The following ZDHHC11 variants were observed in gnomAD, a reference collection of about 807,000 sequenced individuals.
ZDHHC11 encodes the protein palmitoyltransferase ZDHHC11.
ZDHHC11 carries 44 observed loss-of-function variants against 51.3 expected under a neutral mutation model. The observed-to-expected ratio is 0.86, with a 90% CI of 0.67 to 1.10. The LOEUF (loss-of-function observed/expected upper bound fraction) is 1.10, where lower values mean the gene tolerates loss of function less well. ZDHHC11 is among the 50% of genes least tolerant of loss of function. The probability of loss-of-function intolerance (pLI) is 0.00; values close to 1 mark genes in which losing one functional copy is unlikely to be tolerated. For missense variants in ZDHHC11, 400 were observed against 537.7 expected (o/e 0.74, Z 2.53); for synonymous variants, 163 against 222.0 (o/e 0.73, Z 2.36).
intron 1 of ZDHHC11, among the ~76,000 whole-genome samples, chr5:856,818 TAC>T (rs1748324417): frequency 1.4e-5 from 2 of 138,358 alleles, no homozygotes; most frequent in Admixed American, 1.4e-4. Context: ...ACACTTGCAC[TAC>T]ACACTGCACA....
intron 3 of ZDHHC11, among the ~76,000 whole-genome samples, chr5:845,453 C>A (rs1745988251): frequency 6.6e-6 from 1 of 152,174 alleles, no homozygotes; most frequent in South Asian, 2.1e-4. Context: ...CACCCAGGGA[C>A]ATTCTCCTCT....
At chr5:843,187 C>A (rs10056922) in intron 4 of ZDHHC11, among the ~76,000 whole-genome samples, 1 of 151,964 alleles carries the variant, frequency 6.6e-6, no homozygotes, top group Non-Finnish European at 1.5e-5. Flanking sequence ...TACAGCCCAG[C>A]ACCCTCAGCG....
At chr5:858,955 G>A (rs986427848) in exon 1 of ZDHHC11, among the ~76,000 whole-genome samples, 2 of 151,988 alleles carry the variant, frequency 1.3e-5, no homozygotes, top group Admixed American at 6.5e-5. Context: ...CGTCGCTCTC[G>A]CTAACTCCAG....
intron 5 of ZDHHC11, 138 bp from the exon 6 acceptor site, chr5:837,618 G>C: frequency 2.2e-6 from 2 of 912,178 alleles, no homozygotes; most frequent in Non-Finnish European, 3.4e-6. Context: ...CACCATGCAG[G>C]CCCTGTGAGG....
intron 11 of ZDHHC11, among the ~76,000 whole-genome samples, chr5:813,100 G>A (rs1256945556): frequency 1.8e-4 from 26 of 145,304 alleles, no homozygotes; most frequent in African/African-American, 6.4e-4. Flanking sequence ...ACTTTAGGAG[G>A]CTGAGGCAGG....
intron 5 of ZDHHC11, 93 bp downstream of exon 5, chr5:840,402 C>A: frequency 6.3e-7 from 1 of 1,577,452 alleles, no homozygotes; most frequent in Non-Finnish European, 8.7e-7. Flanking sequence ...GTGGGGGGCT[C>A]AGGGTTAGGG....
intron 4 of ZDHHC11, chr5:842,314 A>G: frequency 2.0e-6 from 2 of 986,754 alleles, no homozygotes; most frequent in Non-Finnish European, 2.4e-6. Flanking sequence ...AGAAGAACGC[A>G]ACAGGCATCG....
intron 9 of ZDHHC11, among the ~76,000 whole-genome samples, chr5:819,875 GC>G (rs1450244679): frequency 6.6e-6 from 1 of 151,266 alleles, no homozygotes; most frequent in Non-Finnish European, 1.5e-5. Context: ...AAGTCTGCGA[GC>G]CCCACCCTAG....
intron 11 of ZDHHC11, among the ~76,000 whole-genome samples, chr5:807,518 A>G (rs530295049): frequency 3.9e-4 from 59 of 151,562 alleles, no homozygotes; most frequent in African/African-American, 1.4e-3. Flanking sequence ...CAGGTCACTC[A>G]CAGATCAAGG....
chr5:848,945 A>AG (rs1746705560), intron 1 of ZDHHC11, among the ~76,000 whole-genome samples: 1 of 150,422 alleles, frequency 6.6e-6, no homozygotes, highest in African/African-American at 2.5e-5. Context: ...AGCCCTGCAC[A>AG]CCCAGCCCTG....
chr5:850,312 C>G, intron 1 of ZDHHC11, 69 bp downstream of exon 1: 1 of 1,535,230 alleles, frequency 6.5e-7, no homozygotes, highest in Non-Finnish European at 8.8e-7. Flanking sequence ...CCAGACCCCA[C>G]AGCCAGGTCC....
In ZDHHC11 at chr5:802,755, C is replaced by T. The variant is rs1270499600; in HGVS notation, c.1182-1591G>A. The stretch of plus-strand genomic sequence containing the variant: ...TTGGGAGACCGAGGTGGGTGGATCA[C>T]GAGGTCAGGAGATCGAGACCATCCT... On this transcript the variant is annotated intron_variant, in intron 11 of 12. Coordinates refer to ENST00000283441, the MANE Select transcript of ZDHHC11 (RefSeq NM_024786.3). Among the ~76,000 whole-genome samples the T allele has an allele frequency of 3.1e-5, 4 of 128,970 alleles. 1 individual carries two copies. The highest frequency in any genetic ancestry group is 5.8e-5 in the African/African-American group (2 of 34,614). The allele number at this position is 128,970 out of a possible 152,430, so 84.6% of individuals were successfully genotyped here. A position where few individuals can be genotyped will look rare whatever the true frequency, so the allele number is the denominator to read the frequency against.
At chr5:809,116 A>T (rs1739745693) in intron 11 of ZDHHC11, among the ~76,000 whole-genome samples, 1 of 147,580 alleles carries the variant, frequency 6.8e-6, no homozygotes, top group Admixed American at 6.8e-5. Flanking sequence ...ACAAAAAAAT[A>T]AAAAACAAAC....
intron 3 of ZDHHC11, among the ~76,000 whole-genome samples, chr5:844,351 C>T (rs1745752477): frequency 6.6e-6 from 1 of 152,288 alleles, no homozygotes. Context: ...GAGGGGGAAC[C>T]AGCCCTTTTC....
chr5:855,440 GC>G (rs1748059756), upstream of ZDHHC11, among the ~76,000 whole-genome samples: 2 of 141,386 alleles, frequency 1.4e-5, no homozygotes, highest in Admixed American at 7.0e-5. Context: ...AGGACAGCGA[GC>G]CAGGGGGCAC....
intron 9 of ZDHHC11, among the ~76,000 whole-genome samples, chr5:820,557 G>C (rs1741433023): frequency 6.6e-6 from 1 of 151,288 alleles, no homozygotes; most frequent in African/African-American, 2.4e-5. Context: ...GTGTCTGTGA[G>C]GGGTGGGGCT....
At position 850,730 on chromosome 5, in the gene ZDHHC11, G is replaced by C. The variant is rs761806653; in HGVS notation, c.-128C>G. ...ACCAGCACTGACAGCCAATGGCCCA[G>C]CACTGCCTGGGGCCACGTTCCCCGC... On this transcript the variant is annotated 5_prime_UTR_variant, in exon 1 of 13. Transcript: ENST00000283441. The C allele has an allele frequency of 9.3e-6, 11 of 1,178,926 alleles. No homozygotes were observed. The highest frequency in any genetic ancestry group is 1.3e-5 in the Non-Finnish European group (11 of 840,856). 73.0% of individuals were successfully genotyped at this position (1,178,926 alleles called of 1,614,324 possible).
intron 7 of ZDHHC11, among the ~76,000 whole-genome samples, chr5:833,402 C>T (rs1245840676): frequency 3.4e-3 from 512 of 151,668 alleles, no homozygotes; most frequent in Non-Finnish European, 6.3e-3. Context: ...GTTGGACTCT[C>T]AGAGCTTACA....
intron 10 of ZDHHC11, among the ~76,000 whole-genome samples, chr5:815,793 T>G (rs1460232829): frequency 6.6e-6 from 1 of 151,492 alleles, no homozygotes; most frequent in African/African-American, 2.4e-5. Flanking sequence ...TAAAAATTAA[T>G]TTTTTTAAAG....
Sources: gnomAD v4.1 joint callset for allele counts (sites outside exome capture counted in the v4.1 genomes callset) on GRCh38, gnomAD v4.1.1 for gene constraint, MANE v1.5 for transcripts, NCBI Gene and HGNC (gene_info 2026-07-23, HGNC 2026-07-21) for gene names.